The following CACNG2 variants were observed in gnomAD, a reference collection of about 807,000 sequenced individuals.
CACNG2 encodes voltage-dependent calcium channel gamma-2 subunit.
Under a neutral mutation model 25.9 loss-of-function variants are expected in CACNG2, and 3 were observed. The observed-to-expected ratio is 0.12, with a 90% CI of 0.05 to 0.30. The LOEUF is 0.30. CACNG2 is among the 10% of genes least tolerant of loss of function. CACNG2 has a pLI of 1.00. For missense variants in CACNG2, 341 were observed against 432.5 expected (o/e 0.79, Z 1.88); for synonymous variants, 167 against 173.3 (o/e 0.96, Z 0.29).
rs555485620 is a variant in CACNG2 at position 36,664,884 on chromosome 22, C to T, written c.211+37482G>A. On this transcript the variant is annotated intron_variant, in intron 1 of 3. Transcript: ENST00000300105. ...TAGGCTGATGTAAAGAGAATAGACC[C>T]AGAAAACATTGATTTTTGAGTTTAC... Among the ~76,000 whole-genome samples the T allele has an allele frequency of 2.6e-5, 4 of 152,238 alleles. No individual in the cohort carries two copies. In the South Asian group the frequency reaches 6.2e-4, roughly 24 times the overall value.
At chr22:36,637,469 C>T (rs774722282) in intron 1 of CACNG2, among the ~76,000 whole-genome samples, 5 of 152,056 alleles carry the variant, frequency 3.3e-5, no homozygotes, top group African/African-American at 9.7e-5. Context: ...AAAATGTTTA[C>T]GTAGGCAGTA....
chr22:36,685,353 G>A, intron 1 of CACNG2, among the ~76,000 whole-genome samples: 1 of 152,206 alleles, frequency 6.6e-6, no homozygotes, highest in Non-Finnish European at 1.5e-5. Context: ...GCCTTCTCAC[G>A]CTCTTTCCCC....
chr22:36,697,519 T>A (rs973388411), intron 1 of CACNG2, among the ~76,000 whole-genome samples: 1 of 152,230 alleles, frequency 6.6e-6, no homozygotes, highest in African/African-American at 2.4e-5. Flanking sequence ...TGCCACTGCC[T>A]GCCATGTGAC....
At chr22:36,598,535 T>G (rs1365611479) in intron 1 of CACNG2, among the ~76,000 whole-genome samples, 1 of 151,766 alleles carries the variant, frequency 6.6e-6, no homozygotes, top group Non-Finnish European at 1.5e-5. Flanking sequence ...TGAGAATCAC[T>G]TGAACCCAGG....
chr22:36,566,002 C>A (rs761990310), intron 3 of CACNG2, among the ~76,000 whole-genome samples: 1 of 152,234 alleles, frequency 6.6e-6, no homozygotes, highest in African/African-American at 2.4e-5. Context: ...AACAGCGAGG[C>A]ACTTGGGTGC....
chr22:36,656,843 C>T (rs1265341895), intron 1 of CACNG2, among the ~76,000 whole-genome samples: 3 of 152,194 alleles, frequency 2.0e-5, no homozygotes, highest in Non-Finnish European at 4.4e-5. Flanking sequence ...AAAATGGCGG[C>T]GTTCCTGGCC....
rs1322509273 is a variant in CACNG2 at position 36,587,471 on chromosome 22, A to T, written c.289T>A (p.Phe97Ile). 1 of 1,610,588 alleles carries T rather than the reference A, an allele frequency of 6.2e-7. No individual in the cohort carries two copies. The highest frequency in any genetic ancestry group is 8.5e-7 in the Non-Finnish European group (1 of 1,176,766). Residue 97 changes from phenylalanine to isoleucine, a missense_variant, in exon 2 of 4, where the codon TTC becomes ATC. By Grantham distance (21) the Phe-to-Ile change is conservative. Around this residue, in one of 2 missense-constraint regions of CACNG2, gnomAD observed 169 missense variants for 254.4 expected, o/e 0.66. Transcript: ENST00000300105. ...ADYEADTAEY[F>I]LRAVRASSIF... ...AACAATCGTGTGCACTCACGGAGGAAATATTCTGCTGTGTCAGCTTCGTAA... is the reference window on the plus strand; with the variant it reads ...AACAATCGTGTGCACTCACGGAGGATATATTCTGCTGTGTCAGCTTCGTAA...
At chr22:36,603,808 C>T (rs138469742) in intron 1 of CACNG2, among the ~76,000 whole-genome samples, 55 of 152,278 alleles carry the variant, frequency 3.6e-4, no homozygotes, top group African/African-American at 1.2e-3. Flanking sequence ...TGCTCATTTA[C>T]CATGCACCTG....
At chr22:36,627,914 T>C (rs1272562054) in intron 1 of CACNG2, among the ~76,000 whole-genome samples, 4 of 152,014 alleles carry the variant, frequency 2.6e-5, no homozygotes, top group Admixed American at 6.6e-5. Flanking sequence ...GATTATGTTT[T>C]CAAAGTCATG....
chr22:36,652,317 TC>T (rs568641378), intron 1 of CACNG2, among the ~76,000 whole-genome samples: 219 of 152,262 alleles, frequency 1.4e-3, no homozygotes, highest in Middle Eastern at 3.4e-3. Context: ...ACTGCTTTCT[TC>T]CTAGGAGCCT....
chr22:36,573,440 T>A (rs972013198), intron 2 of CACNG2, among the ~76,000 whole-genome samples: 1 of 152,112 alleles, frequency 6.6e-6, no homozygotes, highest in Non-Finnish European at 1.5e-5. Flanking sequence ...GAGTGATTCT[T>A]GTGTCTCAGC....
At position 36,656,629 on chromosome 22, in the gene CACNG2, A is replaced by C. The variant is rs1936709419; in HGVS notation, c.211+45737T>G. ...TCAAAGTCCTCCAACAGCTCCCACGACGCTCAGAGCAAAAGCTGCTCTGGC... is the reference window on the plus strand; with the variant it reads ...TCAAAGTCCTCCAACAGCTCCCACGCCGCTCAGAGCAAAAGCTGCTCTGGC... On this transcript the variant is annotated intron_variant, in intron 1 of 3. Transcript: ENST00000300105. 2.0e-5 allele frequency among the ~76,000 whole-genome samples: 3 copies of C among 152,254 alleles called. No individual in the cohort carries two copies. The South Asian group carries it at 6.2e-4, about 32-fold the overall frequency.
rs557872173 is a variant in CACNG2 at position 36,653,741 on chromosome 22, G to A, written c.211+48625C>T. On this transcript the variant is annotated intron_variant, in intron 1 of 3. Coordinates refer to ENST00000300105, the MANE Select transcript of CACNG2 (RefSeq NM_006078.5). ...AACCCTGGCACTGGGTTCCCAGCCTGGGCCAGTCCCCTGTGTCCAAGCCTG... is the reference window on the plus strand; with the variant it reads ...AACCCTGGCACTGGGTTCCCAGCCTAGGCCAGTCCCCTGTGTCCAAGCCTG... Among the ~76,000 whole-genome samples, 3 of 152,218 alleles carry A rather than the reference G, an allele frequency of 2.0e-5. No homozygotes were observed. In the South Asian group the frequency reaches 6.2e-4, roughly 32 times the overall value.
intron 1 of CACNG2, among the ~76,000 whole-genome samples, chr22:36,638,834 A>G (rs1262175173): frequency 6.6e-6 from 1 of 152,248 alleles, no homozygotes; most frequent in East Asian, 1.9e-4. Context: ...ATTGAATAAA[A>G]AAATGGTTCT....
intron 1 of CACNG2, among the ~76,000 whole-genome samples, chr22:36,658,184 G>C (rs1273169517): frequency 6.6e-6 from 1 of 152,146 alleles, no homozygotes; most frequent in Admixed American, 6.5e-5. Flanking sequence ...AAAGCCACAG[G>C]AGTGAAAAAA....
At chr22:36,574,441 C>A (rs1397392872) in intron 2 of CACNG2, among the ~76,000 whole-genome samples, 3 of 152,088 alleles carry the variant, frequency 2.0e-5, no homozygotes, top group Non-Finnish European at 4.4e-5. Context: ...GTGGAAAAAA[C>A]CACTTAGGGG....
chr22:36,697,193 G>T (rs1338320748), intron 1 of CACNG2, among the ~76,000 whole-genome samples: 1 of 152,142 alleles, frequency 6.6e-6, no homozygotes, highest in Non-Finnish European at 1.5e-5. Context: ...GCTCACAGGG[G>T]GCGTGGACCA....
rs1937434976 is a variant in CACNG2, at chr22:36,703,252, C to CGGCGGT, written c.-677_-676insACCGCC. 1.3e-5 allele frequency: 2 copies of CGGCGGT among 158,392 alleles called. No individual in the cohort carries two copies. Among genetic ancestry groups the CGGCGGT allele is most frequent in the Non-Finnish European group, 2.7e-5 (2 of 75,316 alleles). The allele number at this position is 158,392 out of a possible 1,614,324, so 9.8% of individuals were successfully genotyped here. A position where few individuals can be genotyped will look rare whatever the true frequency, so the allele number is the denominator to read the frequency against. On this transcript the variant is annotated 5_prime_UTR_variant, in exon 1 of 4. Transcript: ENST00000300105. ...TTTGCCCGGGCAGCGGCGGCGGCGG[C>CGGCGGT]GGCGGCGGCGGCAGGGCGGGCAGGC... is the stretch of plus-strand genomic sequence containing the variant.
At chr22:36,611,042 G>A (rs1935931983) in intron 1 of CACNG2, among the ~76,000 whole-genome samples, 1 of 152,230 alleles carries the variant, frequency 6.6e-6, no homozygotes, top group Non-Finnish European at 1.5e-5. Flanking sequence ...GAAGATAAAT[G>A]TTTAATAAAA....
Sources: allele counts gnomAD v4.1 joint callset (sites outside exome capture counted in the v4.1 genomes callset), GRCh38; gene constraint gnomAD v4.1.1; regional missense constraint gnomAD v4.1.1; transcripts MANE v1.5; gene names NCBI Gene and HGNC (gene_info 2026-07-23, HGNC 2026-07-21).